Variants in TRPM6 observed in about 807,000 individuals in gnomAD.
TRPM6 encodes channel kinase 2.
In TRPM6, 111 loss-of-function variants were observed where a neutral mutation model predicts 247.6. The ratio of observed to expected loss-of-function variants is 0.45; its 90% CI spans 0.38 to 0.52. The LOEUF is 0.52. Among genes scored for constraint, TRPM6 ranks in the 20% least tolerant of loss-of-function variants. The pLI is 0.00. For missense variants in TRPM6, 2,126 were observed against 2,421.5 expected (o/e 0.88, Z 2.56); for synonymous variants, 892 against 853.8 (o/e 1.04, Z -0.78).
chr9:74,792,628 T>A lies in TRPM6; in HGVS notation c.2534A>T (p.Tyr845Phe). 1 of 1,614,076 alleles carries A rather than the reference T, an allele frequency of 6.2e-7. No homozygotes were observed. The highest frequency in any genetic ancestry group is 8.5e-7 in the Non-Finnish European group (1 of 1,180,002). ...TATTGTTGCAATGAGACCAACCGTA[T>A]AAAACCAAAACTTGACAATTGGAGC... ...YSAPIVKFWF[Y>F]TMAYLAFLML... is the part of the protein sequence containing the mutation. Residue 845 changes from tyrosine (Y) to phenylalanine (F), a missense_variant, in exon 19 of 39, where the codon TAT (tyrosine) becomes TTT (phenylalanine). By Grantham distance (22) the Tyr-to-Phe change is conservative (BLOSUM62 3). Coordinates refer to ENST00000360774, the MANE Select transcript of TRPM6 (RefSeq NM_017662.5).
At chr9:74,764,988 T>C (rs937888645) in intron 25 of TRPM6, among the ~76,000 whole-genome samples, 4 of 152,138 alleles carry the variant, frequency 2.6e-5, no homozygotes, top group African/African-American at 9.7e-5. Flanking sequence ...ATCTATATCA[T>C]AACAGCATTT....
At chr9:74,825,562 C>G (rs141458646) in intron 7 of TRPM6, among the ~76,000 whole-genome samples, 215 of 151,912 alleles carry the variant, frequency 1.4e-3, no homozygotes, top group Non-Finnish European at 1.9e-3. Context: ...TGTTACCAGT[C>G]CACTGGAATT....
intron 33 of TRPM6, among the ~76,000 whole-genome samples, chr9:74,742,117 G>T (rs1825885552): frequency 6.6e-6 from 1 of 152,120 alleles, no homozygotes; most frequent in Non-Finnish European, 1.5e-5. Flanking sequence ...AATGACATTT[G>T]CAGTCTGAGA....
rs568017693 is a variant in TRPM6, at chr9:74,781,391, C to A, written c.3209+971G>T. On this transcript the variant is annotated intron_variant, in intron 23 of 38. Transcript: ENST00000360774. ...TCTCTACTAAAAATACAAAAATTAG[C>A]CAGGCATGGTGGCAGGCGCCTGTAA... Among the ~76,000 whole-genome samples the A allele has an allele frequency of 2.3e-3, 356 of 151,842 alleles. 1 individual carries two copies. Among genetic ancestry groups the A allele is most frequent in the African/African-American group, 8.3e-3 (342 of 41,412 alleles).
chr9:74,875,833 A>G (rs909976835), intron 1 of TRPM6, among the ~76,000 whole-genome samples: 3 of 152,214 alleles, frequency 2.0e-5, no homozygotes, highest in African/African-American at 7.2e-5. Flanking sequence ...AGACACTAAC[A>G]GTGGTGACAA....
At chr9:74,807,020 G>A (rs374804279) in intron 14 of TRPM6, among the ~76,000 whole-genome samples, 2 of 152,208 alleles carry the variant, frequency 1.3e-5, no homozygotes, top group East Asian at 3.8e-4. Context: ...AGCAATGTCT[G>A]TTCTGTTTAA....
intron 1 of TRPM6, among the ~76,000 whole-genome samples, chr9:74,859,773 CAAA>C (rs946269078): frequency 1.8e-4 from 14 of 76,004 alleles, no homozygotes; most frequent in African/African-American, 4.5e-4. Flanking sequence ...GACTCTGTCT[CAAA>C]AAAAAAAAAA....
intron 1 of TRPM6, among the ~76,000 whole-genome samples, chr9:74,882,049 C>T (rs1388949891): frequency 6.6e-6 from 1 of 152,100 alleles, no homozygotes; most frequent in Non-Finnish European, 1.5e-5. Context: ...CAAAAATCAA[C>T]TCAAGATGCA....
intron 5 of TRPM6, among the ~76,000 whole-genome samples, chr9:74,836,443 C>CA (rs1230071365): frequency 6.6e-6 from 1 of 152,152 alleles, no homozygotes; most frequent in Non-Finnish European, 1.5e-5. Context: ...GACCCTCTCC[C>CA]AGAGCCATCT....
chr9:74,786,772 C>T (rs745700171), intron 20 of TRPM6, among the ~76,000 whole-genome samples: 3 of 152,004 alleles, frequency 2.0e-5, no homozygotes, highest in Non-Finnish European at 4.4e-5. Context: ...AAACTCAATA[C>T]TGCTGTGGAT....
chr9:74,883,695 G>A (rs1325461454), intron 1 of TRPM6, among the ~76,000 whole-genome samples: 1 of 152,112 alleles, frequency 6.6e-6, no homozygotes, highest in Non-Finnish European at 1.5e-5. Flanking sequence ...TATACAATAT[G>A]ATTCAATTTA....
At chr9:74,757,180 AAAAC>A (rs762649160) in intron 27 of TRPM6, among the ~76,000 whole-genome samples, 2 of 150,884 alleles carry the variant, frequency 1.3e-5, no homozygotes, top group Non-Finnish European at 3.0e-5. Flanking sequence ...TTTGTCTAAA[AAAAC>A]AAACTAACTA....
At chr9:74,796,652 A>G in intron 18 of TRPM6, 89 bp downstream of exon 18, 1 of 1,360,492 alleles carries the variant, frequency 7.4e-7, no homozygotes, top group Admixed American at 1.7e-5. Context: ...TTTGTTTAAT[A>G]GATGGCTATA....
In TRPM6 at chr9:74,827,571, T is replaced by C. The variant is rs1400144297; in HGVS notation, c.841+207A>G. 9 of 679,170 alleles carry C rather than the reference T, an allele frequency of 1.3e-5. No homozygotes were observed. In the East Asian group the frequency reaches 1.6e-4, roughly 12 times the overall value. 42.1% of individuals were successfully genotyped at this position (679,170 alleles called of 1,614,324 possible). ...GGGGATCATGGAAGGATGAAGACTT[T>C]AGTGGATCCTCGAAGTGTCATTTGG... On this transcript the variant is annotated intron_variant, in intron 7 of 38. Coordinates refer to ENST00000360774, the MANE Select transcript of TRPM6 (RefSeq NM_017662.5).
intron 7 of TRPM6, among the ~76,000 whole-genome samples, chr9:74,822,174 A>G (rs1231386674): frequency 6.6e-6 from 1 of 152,248 alleles, no homozygotes; most frequent in Non-Finnish European, 1.5e-5. Context: ...ACAATATAAT[A>G]GATCCCAATG....
chr9:74,728,469 CAG>C lies in TRPM6; in HGVS notation c.5829-126_5829-125del, dbSNP rs1024769365. The C allele has an allele frequency of 4.0e-5, 29 of 725,988 alleles. No homozygotes were observed. The African/African-American group carries it at 4.8e-4, about 12-fold the overall frequency. 45.0% of individuals were successfully genotyped at this position (725,988 alleles called of 1,614,324 possible). A position where few individuals can be genotyped will look rare whatever the true frequency, so the allele number is the denominator to read the frequency against. On this transcript the variant is annotated intron_variant, in intron 37 of 38. Transcript: ENST00000360774. Reference sequence around the variant, plus strand: ...TAAACTTGAAGGAGCCAACAAAAAACAGAGCACTTTGGGGAAACAACAATGTT... The same window carrying C: ...TAAACTTGAAGGAGCCAACAAAAAACAGCACTTTGGGGAAACAACAATGTT...
chr9:74,838,136 C>T lies in TRPM6; in HGVS notation c.544+1888G>A, dbSNP rs151197939. 4.4e-4 allele frequency among the ~76,000 whole-genome samples: 67 copies of T among 152,308 alleles called. No individual in the cohort carries two copies. In the East Asian group the frequency reaches 0.012, roughly 28 times the overall value. On this transcript the variant is annotated intron_variant, in intron 5 of 38. Transcript: ENST00000360774. ...GTATTTCAATCATCTCCACACTACT[C>T]TATTTGTGTTTCTTTAGGTTAACTG...
chr9:74,771,864 G>A (rs1455204853), intron 24 of TRPM6, 29 bp from the exon 25 acceptor site: 4 of 1,609,254 alleles, frequency 2.5e-6, no homozygotes, highest in East Asian at 2.2e-5. Flanking sequence ...AACACAGAAA[G>A]AATCATTATT....
At chr9:74,834,470 T>C (rs1187460524) in intron 5 of TRPM6, among the ~76,000 whole-genome samples, 1 of 151,762 alleles carries the variant, frequency 6.6e-6, no homozygotes, top group Non-Finnish European at 1.5e-5. Flanking sequence ...TTATTATTAT[T>C]ATTATTATTA....
Sources: gnomAD v4.1 joint callset for allele counts (sites outside exome capture counted in the v4.1 genomes callset) on GRCh38, gnomAD v4.1.1 for gene constraint, MANE v1.5 for transcripts, NCBI Gene and HGNC (gene_info 2026-07-23, HGNC 2026-07-21) for gene names.